The following DOC2B variants were observed in gnomAD, a reference collection of about 807,000 sequenced individuals.
The protein encoded by DOC2B is double C2 domain beta.
Under a neutral mutation model 28.9 loss-of-function variants are expected in DOC2B, and 21 were observed. The ratio of observed to expected loss-of-function variants is 0.73; its 90% CI spans 0.52 to 1.05. The LOEUF (loss-of-function observed/expected upper bound fraction) is 1.05, where lower values mean the gene tolerates loss of function less well. Among genes scored for constraint, DOC2B ranks in the 50% least tolerant of loss-of-function variants. The pLI, the probability that DOC2B is intolerant of heterozygous loss-of-function variation, is 0.00. For synonymous variants in DOC2B, 194 were observed against 178.1 expected, an observed-to-expected ratio of 1.09 and a Z score of -0.71; for missense variants, 384 against 421.1, an observed-to-expected ratio of 0.91 and a Z score of 0.77.
rs550710011 is a variant in DOC2B, at chr17:156,246, G to A, written c.897C>T (p.Asn299=). ...TTTTCACGTAGGGGTCCGAGTAGCCGTTGGCGTCCATGGCGGCCAGGTGGG... is the reference window on the plus strand; with the variant it reads ...TTTTCACGTAGGGGTCCGAGTAGCCATTGGCGTCCATGGCGGCCAGGTGGG... The part of the protein sequence containing the change: ...RCAHLAAMDA[N]GYSDPYVKTY... The change falls in exon 6 of 9, where the codon AAC becomes AAT. Residue 299 remains asparagine (N), a synonymous_variant. Coordinates refer to ENST00000613549, the MANE Select transcript of DOC2B (RefSeq NM_003585.5). 178 of 1,551,280 alleles carry A rather than the reference G, an allele frequency of 1.1e-4. No individual in the cohort carries two copies. Among genetic ancestry groups the A allele is most frequent in the Non-Finnish European group, 1.4e-4 (161 of 1,146,940 alleles).
At chr17:180,304 G>A (rs2040424359) in intron 1 of DOC2B, among the ~76,000 whole-genome samples, 1 of 152,112 alleles carries the variant, frequency 6.6e-6, no homozygotes, top group Non-Finnish European at 1.5e-5. Context: ...ACGGGAAAAG[G>A]CGCCAGGAGC....
intron 1 of DOC2B, among the ~76,000 whole-genome samples, chr17:180,149 C>G (rs1330610142): frequency 6.6e-6 from 1 of 152,250 alleles, no homozygotes; most frequent in Non-Finnish European, 1.5e-5. Flanking sequence ...GTCTCAGTGA[C>G]AAGTCTGGAG....
intron 2 of DOC2B, among the ~76,000 whole-genome samples, chr17:169,184 A>C (rs1156333777): frequency 1.3e-5 from 2 of 152,138 alleles, no homozygotes; most frequent in African/African-American, 4.8e-5. Flanking sequence ...AATGGGGATG[A>C]AGCCTGAAGA....
At chr17:161,866 C>T (rs1555523293) in intron 4 of DOC2B, among the ~76,000 whole-genome samples, 1 of 152,222 alleles carries the variant, frequency 6.6e-6, no homozygotes, top group East Asian at 1.9e-4. Context: ...GAAGCACCTT[C>T]AGGGGACTGG....
chr17:152,864 C>T (rs1022863784), intron 6 of DOC2B, among the ~76,000 whole-genome samples: 3 of 152,228 alleles, frequency 2.0e-5, no homozygotes, highest in Non-Finnish European at 2.9e-5. Context: ...GCATCAACCG[C>T]TAGATACGTC....
intron 1 of DOC2B, among the ~76,000 whole-genome samples, chr17:179,610 GC>G (rs2040412174): frequency 1.3e-5 from 2 of 152,168 alleles, no homozygotes; most frequent in Admixed American, 1.3e-4. Context: ...CCCACTCAGG[GC>G]CCACCCAGGG....
At chr17:157,333 C>T (rs1056168157) in intron 5 of DOC2B, among the ~76,000 whole-genome samples, 4 of 152,222 alleles carry the variant, frequency 2.6e-5, no homozygotes, top group African/African-American at 9.6e-5. Flanking sequence ...GCTTTTCTGA[C>T]CCTCAGGGTG....
At chr17:158,791 C>T (rs772302575) in intron 5 of DOC2B, among the ~76,000 whole-genome samples, 87 of 151,980 alleles carry the variant, frequency 5.7e-4, no homozygotes, top group Non-Finnish European at 9.6e-4. Context: ...ATGCCTGTAA[C>T]CCCAGCACTT....
At chr17:166,430 C>T (rs2040265519) in intron 2 of DOC2B, among the ~76,000 whole-genome samples, 1 of 152,242 alleles carries the variant, frequency 6.6e-6, no homozygotes, top group African/African-American at 2.4e-5. Flanking sequence ...TGGGAGTTGG[C>T]AAGAGACATA....
intron 6 of DOC2B, among the ~76,000 whole-genome samples, chr17:154,014 C>A (rs1046422814): frequency 6.6e-6 from 1 of 152,196 alleles, no homozygotes; most frequent in African/African-American, 2.4e-5. Flanking sequence ...ATTCTGGACA[C>A]GTCATAGAAA....
At chr17:159,901 C>T (rs1433403498) in intron 5 of DOC2B, among the ~76,000 whole-genome samples, 2 of 149,022 alleles carry the variant, frequency 1.3e-5, no homozygotes, top group Admixed American at 1.3e-4. Context: ...ACGCTGACAC[C>T]CCACGTACAT....
intron 5 of DOC2B, 93 bp downstream of exon 5, chr17:161,322 C>T (rs1279431835): frequency 7.6e-7 from 1 of 1,324,272 alleles, no homozygotes; most frequent in Non-Finnish European, 1.1e-6. Flanking sequence ...CTCACTCTGC[C>T]CCTCATGAGT....
At chr17:147,647 C>G (rs1262933154) in intron 8 of DOC2B, 70 bp from the exon 9 acceptor site, 8 of 398,600 alleles carry the variant, frequency 2.0e-5, no homozygotes, top group East Asian at 1.4e-4. Flanking sequence ...CCCATGCCCC[C>G]TCCCAGGTTC....
Position 166,641 on chromosome 17 carries a change from A to G in DOC2B, c.454-2437T>C, listed in dbSNP as rs528967535. On this transcript the variant is annotated intron_variant, in intron 2 of 8. Coordinates refer to ENST00000613549, the MANE Select transcript of DOC2B (RefSeq NM_003585.5). ...TGAATACGTCTCACGAGATCTGATG[A>G]TCTGACACTGTTCTTGAGGTAGTGA... Among the ~76,000 whole-genome samples the G allele has an allele frequency of 6.4e-3, 952 of 148,360 alleles. 4 individuals carry two copies. The highest frequency in any genetic ancestry group is 0.017 in the South Asian group (78 of 4,616).
intron 5 of DOC2B, among the ~76,000 whole-genome samples, chr17:157,438 T>C (rs1555522717): frequency 6.6e-6 from 1 of 152,186 alleles, no homozygotes; most frequent in East Asian, 1.9e-4. Context: ...CCCCAGCCTC[T>C]AAGTTCCTTG....
At chr17:156,697 G>C (rs2040140193) in intron 5 of DOC2B, among the ~76,000 whole-genome samples, 1 of 152,238 alleles carries the variant, frequency 6.6e-6, no homozygotes, top group African/African-American at 2.4e-5. Context: ...GCCTGGCTCT[G>C]TGTGGGATGT....
Position 142,796 on chromosome 17 carries a change from T to C in DOC2B, c.*4645A>G, listed in dbSNP as rs1458307567. 2 of 152,184 alleles carry C rather than the reference T, an allele frequency of 1.3e-5. No individual in the cohort carries two copies. Among genetic ancestry groups the C allele is most frequent in the Non-Finnish European group, 2.9e-5 (2 of 68,040 alleles). 9.4% of individuals were successfully genotyped at this position (152,184 alleles called of 1,614,324 possible). Reference sequence around the variant, plus strand: ...ATACATTTTCTTCGTTAGTCGATGTTAGAAAGCAAAGGCTTTTATCTCGAG... The same window carrying C: ...ATACATTTTCTTCGTTAGTCGATGTCAGAAAGCAAAGGCTTTTATCTCGAG... On this transcript the variant is annotated 3_prime_UTR_variant, in exon 9 of 9. Transcript: ENST00000613549.
chr17:180,199 C>A (rs1280280403), intron 1 of DOC2B, among the ~76,000 whole-genome samples: 1 of 152,244 alleles, frequency 6.6e-6, no homozygotes, highest in East Asian at 1.9e-4. Flanking sequence ...ATGCCATCCC[C>A]ACCCCGCGCA....
At chr17:147,954 C>T (rs1411242190) in intron 8 of DOC2B, among the ~76,000 whole-genome samples, 2 of 152,192 alleles carry the variant, frequency 1.3e-5, no homozygotes, top group African/African-American at 4.8e-5. Context: ...CTTGTCTGTG[C>T]TCCACCACAG....
Sources: allele counts gnomAD v4.1 joint callset (sites outside exome capture counted in the v4.1 genomes callset), GRCh38; gene constraint gnomAD v4.1.1; transcripts MANE v1.5; gene names NCBI Gene and HGNC (gene_info 2026-07-23, HGNC 2026-07-21).